The following VIRMA variants were observed in gnomAD, a reference collection of about 807,000 sequenced individuals.
The protein encoded by VIRMA is protein virilizer homolog.
Under a neutral mutation model 182.4 loss-of-function variants are expected in VIRMA, and 65 were observed. That is an observed-to-expected ratio of 0.36 (90% CI 0.29 to 0.44). The LOEUF (loss-of-function observed/expected upper bound fraction) is 0.44. VIRMA is among the 20% of genes least tolerant of loss of function. The probability of loss-of-function intolerance (pLI) is 1.00; values close to 1 mark genes in which losing one functional copy is unlikely to be tolerated. For synonymous variants in VIRMA, 709 were observed against 743.1 expected (o/e 0.95, Z 0.75); for missense variants, 1,752 against 2,158.1 (o/e 0.81, Z 3.73).
At chr8:94,515,102 T>C in intron 10 of VIRMA, 151 bp from the exon 11 acceptor site, 1 of 404,894 alleles carries the variant, frequency 2.5e-6, no homozygotes, top group Non-Finnish European at 4.3e-6. Flanking sequence ...CTAATTCTTT[T>C]TTTTTTTTTT....
rs1183043173 is a variant in VIRMA at position 94,537,118 on chromosome 8, A to T, written c.300T>A (p.Phe100Leu). The change falls in exon 4 of 24, where the codon TTT (phenylalanine) becomes TTA (leucine). Residue 100 changes from phenylalanine to leucine, a missense_variant. Coordinates refer to ENST00000297591, the MANE Select transcript of VIRMA (RefSeq NM_015496.5). ...CCAGAATTACCTTTGAGTTAGGTCT[A>T]AAGATGATGGAAGTATTCTCATCAT... is the stretch of plus-strand genomic sequence containing the variant. ...LEYDENTSII[F>L]RPNSKVNTDG... 2 of 1,605,204 alleles carry T rather than the reference A, an allele frequency of 1.2e-6. No individual in the cohort carries two copies.
intron 8 of VIRMA, among the ~76,000 whole-genome samples, chr8:94,523,645 T>A (rs1006272284): frequency 2.6e-5 from 4 of 152,056 alleles, no homozygotes; most frequent in Non-Finnish European, 5.9e-5. Context: ...ATTTCTTTTT[T>A]GAGACGGAGT....
At chr8:94,545,532 G>A (rs1019276485) in intron 1 of VIRMA, among the ~76,000 whole-genome samples, 2 of 152,010 alleles carry the variant, frequency 1.3e-5, no homozygotes, top group Admixed American at 1.3e-4. Flanking sequence ...ATTAAATGTC[G>A]ACTATGTTCC....
chr8:94,543,794 C>CA (rs745862431), intron 2 of VIRMA, 33 bp downstream of exon 2: 23 of 1,218,848 alleles, frequency 1.9e-5, no homozygotes, highest in Non-Finnish European at 2.6e-5. Flanking sequence ...AATCTTTAAC[C>CA]AAAAAATACT....
intron 1 of VIRMA, among the ~76,000 whole-genome samples, chr8:94,550,443 C>T (rs1563485683): frequency 1.3e-5 from 2 of 152,066 alleles, no homozygotes; most frequent in African/African-American, 4.8e-5. Context: ...CAGGCACCTG[C>T]CACCACGCTC....
intron 4 of VIRMA, among the ~76,000 whole-genome samples, chr8:94,536,582 T>C (rs1815350404): frequency 6.6e-6 from 1 of 152,228 alleles, no homozygotes; most frequent in African/African-American, 2.4e-5. Flanking sequence ...TGGCCTCTTC[T>C]TGACTCGAAA....
At chr8:94,550,283 C>G (rs986963490) in intron 1 of VIRMA, among the ~76,000 whole-genome samples, 3 of 146,458 alleles carry the variant, frequency 2.0e-5, no homozygotes, top group Non-Finnish European at 4.5e-5. Flanking sequence ...TCTATTTTCT[C>G]TGAACCATTT....
chr8:94,516,762 C>T (rs984946218), intron 10 of VIRMA, among the ~76,000 whole-genome samples: 41 of 152,232 alleles, frequency 2.7e-4, no homozygotes, highest in African/African-American at 8.2e-4. Flanking sequence ...TAAACGCATT[C>T]TTCAGGAAAA....
intron 1 of VIRMA, 114 bp downstream of exon 1, chr8:94,553,270 TA>T: frequency 9.5e-7 from 1 of 1,049,532 alleles, no homozygotes; most frequent in Non-Finnish European, 1.5e-6. Flanking sequence ...TGTCTGTGTG[TA>T]AGCGAGAAAT....
chr8:94,504,622 AGC>A (rs2130289250), intron 16 of VIRMA, among the ~76,000 whole-genome samples: 1 of 152,242 alleles, frequency 6.6e-6, no homozygotes, highest in Non-Finnish European at 1.5e-5. Context: ...AATTTTAGAG[AGC>A]CAAATGGTGG....
intron 3 of VIRMA, among the ~76,000 whole-genome samples, chr8:94,537,572 TA>T (rs915439205): frequency 1.3e-5 from 2 of 151,266 alleles, no homozygotes; most frequent in East Asian, 1.9e-4. Flanking sequence ...GCCCTTCATT[TA>T]AAAAAAAAGT....
intron 16 of VIRMA, among the ~76,000 whole-genome samples, chr8:94,504,638 C>A (rs936827207): frequency 5.9e-5 from 9 of 152,156 alleles, no homozygotes; most frequent in South Asian, 2.1e-4. Flanking sequence ...ATGGTGGAAG[C>A]AAGGAGACCA....
chr8:94,504,538 G>A (rs562924142), intron 16 of VIRMA, among the ~76,000 whole-genome samples: 8 of 152,242 alleles, frequency 5.3e-5, no homozygotes, highest in Non-Finnish European at 1.2e-4. Flanking sequence ...AGGTACAATA[G>A]GAAACCATTA....
intron 23 of VIRMA, among the ~76,000 whole-genome samples, chr8:94,489,182 C>A (rs1173054273): frequency 6.6e-6 from 1 of 152,066 alleles, no homozygotes; most frequent in Non-Finnish European, 1.5e-5. Context: ...ACACCTAAGA[C>A]AATACTATAA....
chr8:94,536,472 T>C (rs1202866964), intron 4 of VIRMA, among the ~76,000 whole-genome samples: 1 of 152,250 alleles, frequency 6.6e-6, no homozygotes, highest in African/African-American at 2.4e-5. Flanking sequence ...TATGTACTTT[T>C]AAAAGAAACT....
chr8:94,536,109 C>T (rs1286754761), intron 4 of VIRMA, among the ~76,000 whole-genome samples: 1 of 152,158 alleles, frequency 6.6e-6, no homozygotes, highest in Non-Finnish European at 1.5e-5. Context: ...CTAAGTGTTA[C>T]CGGGGCCCCT....
Position 94,526,794 on chromosome 8 carries a change from T to A in VIRMA, c.1450A>T (p.Ser484Cys), listed in dbSNP as rs1476994906. The A allele has an allele frequency of 3.7e-6, 6 of 1,614,006 alleles. No homozygotes were observed. Among genetic ancestry groups the A allele is most frequent in the Non-Finnish European group, 5.1e-6 (6 of 1,180,014 alleles). The change falls in exon 8 of 24, where the codon AGT (serine) becomes TGT (cysteine). Residue 484 changes from serine to cysteine, a missense_variant. Ser to Cys is a moderately radical substitution (Grantham distance 112). This residue lies in a region of VIRMA where 401 missense variants were observed against 455.1 expected (regional missense o/e 0.88). Transcript: ENST00000297591. ...GCAAACAGAAGTTCAAATAATCCACTGATCACTCCTGCTTGTAGCAGTCCT... is the reference window on the plus strand; with the variant it reads ...GCAAACAGAAGTTCAAATAATCCACAGATCACTCCTGCTTGTAGCAGTCCT... ...VTGLLQAGVISGLFELLFADH... is the reference protein window; with the variant it reads ...VTGLLQAGVICGLFELLFADH...
At chr8:94,507,819 AGAG>A (rs1479901315) in intron 15 of VIRMA, among the ~76,000 whole-genome samples, 1 of 151,726 alleles carries the variant, frequency 6.6e-6, no homozygotes, top group Non-Finnish European at 1.5e-5. Flanking sequence ...TTGGATGGAT[AGAG>A]GAGATGAACA....
chr8:94,545,773 G>A (rs749730138), intron 1 of VIRMA, among the ~76,000 whole-genome samples: 6 of 152,162 alleles, frequency 3.9e-5, no homozygotes, highest in Admixed American at 2.6e-4. Flanking sequence ...CAAAAGTGCA[G>A]GCTGGGAGCC....
Sources: gnomAD v4.1 joint callset for allele counts (sites outside exome capture counted in the v4.1 genomes callset) on GRCh38, gnomAD v4.1.1 for gene constraint, gnomAD v4.1.1 regional missense constraint, MANE v1.5 for transcripts, NCBI Gene and HGNC (gene_info 2026-07-23, HGNC 2026-07-21) for gene names.